ERC2: variants seen among roughly 807,000 people sequenced by gnomAD.
ERC2 encodes the protein ELKS/RAB6-interacting/CAST family member 2.
A neutral mutation model predicts 114.8 loss-of-function variants in ERC2; 42 were observed. The observed-to-expected ratio is 0.37, with a 90% CI of 0.29 to 0.47. ERC2 has a LOEUF of 0.47. Ranked by LOEUF, ERC2 falls within the 20% of genes least tolerant of loss-of-function variation. The probability of loss-of-function intolerance (pLI) is 0.99; values close to 1 mark genes in which losing one functional copy is unlikely to be tolerated. For missense variants in ERC2, 939 were observed against 1,150.7 expected (o/e 0.82, Z 2.66); for synonymous variants, 454 against 425.5 (o/e 1.07, Z -0.82).
intron 15 of ERC2, among the ~76,000 whole-genome samples, chr3:55,703,453 C>T (rs2362849): frequency 0.018 from 2,801 of 152,316 alleles, 37 homozygotes; most frequent in Middle Eastern, 0.034. Flanking sequence ...TTCCTAAGCC[C>T]GCCTCTTCCA....
At chr3:56,184,988 C>T (rs962731918) in intron 3 of ERC2, 3 of 152,188 alleles carry the variant, frequency 2.0e-5, no homozygotes, top group East Asian at 1.9e-4. Context: ...TGGCCTTTGT[C>T]CCTCTCATTT....
chr3:56,447,560 G>T (rs538729785), intron 1 of ERC2, among the ~76,000 whole-genome samples: 14 of 151,980 alleles, frequency 9.2e-5, no homozygotes, highest in Admixed American at 7.2e-4. Flanking sequence ...AGCAAGGGTT[G>T]TTTATTTGCA....
chr3:55,868,849 T>C (rs538740199), intron 14 of ERC2, among the ~76,000 whole-genome samples: 49 of 152,314 alleles, frequency 3.2e-4, no homozygotes, highest in African/African-American at 1.1e-3. Context: ...AAGTGGCTCA[T>C]GGTTGCTGCC....
intron 1 of ERC2, among the ~76,000 whole-genome samples, chr3:56,460,772 A>G (rs2063275207): frequency 6.6e-6 from 1 of 152,186 alleles, no homozygotes; most frequent in Non-Finnish European, 1.5e-5. Context: ...AGCCATTGTT[A>G]TGGTAACTTA....
chr3:56,393,343 A>G (rs1164271593), intron 2 of ERC2, among the ~76,000 whole-genome samples: 2 of 152,238 alleles, frequency 1.3e-5, no homozygotes, highest in Non-Finnish European at 2.9e-5. Flanking sequence ...AGTTGTAGTT[A>G]GCCGAGATCA....
chr3:55,983,316 T>C (rs2070310023), intron 12 of ERC2, among the ~76,000 whole-genome samples: 1 of 152,254 alleles, frequency 6.6e-6, no homozygotes, highest in Non-Finnish European at 1.5e-5. Context: ...TAACCTCATC[T>C]GTCATAAGTC....
At chr3:55,693,961 A>G (rs2062801032) in intron 16 of ERC2, among the ~76,000 whole-genome samples, 1 of 152,194 alleles carries the variant, frequency 6.6e-6, no homozygotes, top group South Asian at 2.1e-4. Flanking sequence ...TGACTGCCTC[A>G]GCCTCCCAAT....
chr3:55,677,871 A>G (rs1400350262), intron 17 of ERC2, among the ~76,000 whole-genome samples: 2 of 152,152 alleles, frequency 1.3e-5, no homozygotes, highest in Non-Finnish European at 2.9e-5. Flanking sequence ...TTGAGAATCT[A>G]TGTACTACTC....
intron 12 of ERC2, among the ~76,000 whole-genome samples, chr3:55,977,962 T>G (rs140506993): frequency 1.3e-5 from 2 of 152,204 alleles, no homozygotes; most frequent in Non-Finnish European, 2.9e-5. Flanking sequence ...CAGTGTGAAT[T>G]ACATTATACC....
chr3:55,776,107 T>A (rs1434366986), intron 14 of ERC2, among the ~76,000 whole-genome samples: 1 of 74,242 alleles, frequency 1.3e-5, no homozygotes, highest in African/African-American at 9.3e-5. Flanking sequence ...AACACATACT[T>A]TTTTTTTTCT....
At chr3:55,961,921 C>T (rs2068411145) in intron 12 of ERC2, among the ~76,000 whole-genome samples, 1 of 151,002 alleles carries the variant, frequency 6.6e-6, no homozygotes, top group African/African-American at 2.4e-5. Flanking sequence ...AGATCTAACT[C>T]CTACCATCCA....
intron 5 of ERC2, among the ~76,000 whole-genome samples, chr3:56,142,520 T>C (rs2080915031): frequency 2.6e-5 from 4 of 152,168 alleles, no homozygotes; most frequent in African/African-American, 9.6e-5. Context: ...CCTAACTTTT[T>C]AAGTTGGATG....
chr3:56,039,156 C>G (rs536888642), intron 7 of ERC2, among the ~76,000 whole-genome samples: 8 of 152,260 alleles, frequency 5.3e-5, no homozygotes, highest in Admixed American at 2.6e-4. Context: ...TAGCAAACTA[C>G]CATGGCACAT....
chr3:56,182,593 AT>A (rs2083348180), intron 3 of ERC2, among the ~76,000 whole-genome samples: 1 of 152,208 alleles, frequency 6.6e-6, no homozygotes, highest in South Asian at 2.1e-4. Context: ...TATTATCACC[AT>A]TTTTCACTTG....
At chr3:55,785,166 G>A (rs1318074363) in intron 14 of ERC2, among the ~76,000 whole-genome samples, 1 of 152,172 alleles carries the variant, frequency 6.6e-6, no homozygotes, top group Non-Finnish European at 1.5e-5. Context: ...AGAATTACCC[G>A]AAGGCAAGAT....
At chr3:55,533,640 G>A (rs746232315) in intron 17 of ERC2, among the ~76,000 whole-genome samples, 1 of 152,220 alleles carries the variant, frequency 6.6e-6, no homozygotes, top group Non-Finnish European at 1.5e-5. Context: ...AGGAGACCCA[G>A]AGGCGGCTCA....
At chr3:56,105,696 A>G (rs1422554904) in intron 6 of ERC2, among the ~76,000 whole-genome samples, 1 of 152,166 alleles carries the variant, frequency 6.6e-6, no homozygotes, top group Non-Finnish European at 1.5e-5. Context: ...GCAGTGGGAG[A>G]AGCAGGGAGA....
chr3:56,348,895 G>A (rs56336815), intron 2 of ERC2, among the ~76,000 whole-genome samples: 9,739 of 31,158 alleles, frequency 0.31, 476 homozygotes, highest in East Asian at 0.52. Context: ...AAGGAAGGAA[G>A]GAAGGAAGGA....
Position 55,825,339 on chromosome 3 carries a change from CG to C in ERC2, c.2564+63049del, listed in dbSNP as rs894627655. Among the ~76,000 whole-genome samples, 28 of 152,016 alleles carry C rather than the reference CG, an allele frequency of 1.8e-4. 1 individual carries two copies. Among genetic ancestry groups the C allele is most frequent in the Admixed American group, 1.7e-3 (26 of 15,272 alleles). On this transcript the variant is annotated intron_variant, in intron 14 of 17. Transcript: ENST00000288221. ...GGGTTTTAATTACTAACAAATAAAA[CG>C]GTTATATGGTCAAAGTAATTGAAAA...
Sources: allele counts gnomAD v4.1 joint callset (sites outside exome capture counted in the v4.1 genomes callset), GRCh38; gene constraint gnomAD v4.1.1; transcripts MANE v1.5; gene names NCBI Gene and HGNC (gene_info 2026-07-23, HGNC 2026-07-21).